The following QTMAN variants were observed in gnomAD, a reference collection of about 807,000 sequenced individuals.
QTMAN encodes the protein tRNA-queuosine alpha-mannosyltransferase.
the QTMAN span, among the ~76,000 whole-genome samples, chr2:144,176,723 G>C: frequency 1.2e-4 from 19 of 152,186 alleles, no homozygotes; most frequent in East Asian, 2.1e-3. Context: ...TTTTAAAATG[G>C]ACAAGGCCTG....
the QTMAN span, among the ~76,000 whole-genome samples, chr2:144,104,041 G>A: frequency 1.3e-5 from 2 of 152,172 alleles, no homozygotes; most frequent in African/African-American, 2.4e-5. Flanking sequence ...AGTGAGCCAA[G>A]ACAGCACCAC....
At chr2:144,189,232 T>C in the QTMAN span, among the ~76,000 whole-genome samples, 3 of 152,184 alleles carry the variant, frequency 2.0e-5, no homozygotes, top group Non-Finnish European at 4.4e-5. Flanking sequence ...AGCAATCCCC[T>C]AGTCTGAGCC....
At chr2:143,957,158 A>G in the QTMAN span, 2 of 1,521,090 alleles carry the variant, frequency 1.3e-6, no homozygotes, top group Non-Finnish European at 1.8e-6. Flanking sequence ...CTGATTAGAG[A>G]TTGCTTTATC....
the QTMAN span, among the ~76,000 whole-genome samples, chr2:144,045,830 A>T: frequency 2.0e-5 from 3 of 152,186 alleles, no homozygotes; most frequent in African/African-American, 4.8e-5. Context: ...AACAGAGAAG[A>T]TCCTTACACT....
the QTMAN span, chr2:144,007,555 C>G: frequency 6.8e-7 from 1 of 1,467,828 alleles, no homozygotes; most frequent in Non-Finnish European, 9.1e-7. Flanking sequence ...AAAAAGAATG[C>G]AATATACTTT....
chr2:143,962,151 A>G, the QTMAN span, among the ~76,000 whole-genome samples: 1 of 152,098 alleles, frequency 6.6e-6, no homozygotes, highest in Non-Finnish European at 1.5e-5. Context: ...CAGCCAAGTG[A>G]TAAGTGATAT....
chr2:144,294,263 G>A, the QTMAN span: 6 of 152,248 alleles, frequency 3.9e-5, no homozygotes, highest in South Asian at 2.1e-4. Context: ...TTGCAGAAGC[G>A]CCCTGTTGCA....
At chr2:144,270,647 C>T in the QTMAN span, among the ~76,000 whole-genome samples, 1 of 141,428 alleles carries the variant, frequency 7.1e-6, no homozygotes, top group Admixed American at 7.2e-5. Context: ...CATACTGGGG[C>T]CTGCCGGGGG....
the QTMAN span, among the ~76,000 whole-genome samples, chr2:144,196,435 T>C: frequency 8.9e-3 from 1,348 of 152,234 alleles, 15 homozygotes; most frequent in African/African-American, 0.03. Flanking sequence ...GTATCAATAC[T>C]GGATATACAG....
chr2:144,110,663 C>G, the QTMAN span, among the ~76,000 whole-genome samples: 1 of 145,864 alleles, frequency 6.9e-6, no homozygotes, highest in Non-Finnish European at 1.5e-5. Flanking sequence ...CTCCACATAA[C>G]AGAAGAGAAA....
At chr2:143,990,076 T>C in the QTMAN span, among the ~76,000 whole-genome samples, 1 of 152,060 alleles carries the variant, frequency 6.6e-6, no homozygotes. Context: ...ATTTACTATG[T>C]GCAGCCAGGG....
chr2:144,310,230 C>T, the QTMAN span, among the ~76,000 whole-genome samples: 1 of 151,956 alleles, frequency 6.6e-6, no homozygotes. Context: ...GAACAGCAAG[C>T]GCAAAAGCCC....
the QTMAN span, among the ~76,000 whole-genome samples, chr2:144,209,953 G>A: frequency 6.6e-6 from 1 of 151,308 alleles, no homozygotes; most frequent in Non-Finnish European, 1.5e-5. Context: ...TCAAAGTAAT[G>A]GCTACTTAAA....
the QTMAN span, among the ~76,000 whole-genome samples, chr2:144,314,154 C>T: frequency 5.9e-5 from 9 of 152,098 alleles, no homozygotes; most frequent in African/African-American, 1.9e-4. Context: ...CAGTCAAATG[C>T]TCATTAACTG....
At chr2:144,315,895 T>C in the QTMAN span, among the ~76,000 whole-genome samples, 1 of 152,182 alleles carries the variant, frequency 6.6e-6, no homozygotes, top group African/African-American at 2.4e-5. Flanking sequence ...CATGACACTA[T>C]CACCTTGGCT....
the QTMAN span, among the ~76,000 whole-genome samples, chr2:144,019,981 G>A: frequency 3.3e-5 from 5 of 151,020 alleles, no homozygotes; most frequent in Non-Finnish European, 7.4e-5. Flanking sequence ...TCTCTGAACA[G>A]AGAACTTCTA....
the QTMAN span, among the ~76,000 whole-genome samples, chr2:144,131,646 A>T: frequency 2.0e-5 from 3 of 151,888 alleles, no homozygotes; most frequent in Non-Finnish European, 4.4e-5. Flanking sequence ...TCTAGATCCA[A>T]TGACCATTTA....
chr2:144,027,866 A>G, the QTMAN span, among the ~76,000 whole-genome samples: 1 of 152,194 alleles, frequency 6.6e-6, no homozygotes, highest in African/African-American at 2.4e-5. Flanking sequence ...ATCAACACTG[A>G]TATCAGCTCG....
the QTMAN span, among the ~76,000 whole-genome samples, chr2:144,134,818 C>T: frequency 6.6e-6 from 1 of 152,008 alleles, no homozygotes; most frequent in Non-Finnish European, 1.5e-5. Context: ...TTCATCTCCT[C>T]ATTAAAAAAT....
Sources: gnomAD v4.1 joint callset for allele counts (sites outside exome capture counted in the v4.1 genomes callset) on GRCh38, gnomAD v4.1.1 for gene constraint, MANE v1.5 for transcripts, NCBI Gene and HGNC (gene_info 2026-07-23, HGNC 2026-07-21) for gene names.